The following IL1RAPL1 variants were observed in gnomAD, a reference collection of about 807,000 sequenced individuals.
IL1RAPL1 encodes the protein interleukin 1 receptor accessory protein like 1.
In IL1RAPL1, 3 loss-of-function variants were observed where a neutral mutation model predicts 48.4. The ratio of observed to expected loss-of-function variants is 0.06; its 90% confidence interval spans 0.03 to 0.16. The LOEUF (loss-of-function observed/expected upper bound fraction) is 0.16, where lower values mean the gene tolerates loss of function less well. Ranked by LOEUF, IL1RAPL1 falls within the 10% of genes least tolerant of loss-of-function variation. IL1RAPL1 has a pLI of 1.00. For missense variants in IL1RAPL1, 349 were observed against 530.6 expected (o/e 0.66, Z 3.36); for synonymous variants, 185 against 187.7 (o/e 0.99, Z 0.12).
chrX:29,732,992 C>T (rs907642466), intron 6 of IL1RAPL1, among the ~76,000 whole-genome samples: 13 of 110,526 alleles, frequency 1.2e-4, no homozygotes, highest in African/African-American at 4.3e-4. Context: ...TTTTATGGAA[C>T]CTCTTTCTGG....
chrX:29,335,484 G>T (rs1035040887), intron 3 of IL1RAPL1, among the ~76,000 whole-genome samples: 1 of 109,785 alleles, frequency 9.1e-6, no homozygotes, highest in African/African-American at 3.3e-5. Context: ...TGAATTAAAT[G>T]AAACAACTCT....
chrX:29,601,784 C>G (rs995357432), intron 5 of IL1RAPL1, among the ~76,000 whole-genome samples: 3 of 111,939 alleles, frequency 2.7e-5, no homozygotes, highest in African/African-American at 9.7e-5. Flanking sequence ...AAGGGCAACA[C>G]AACATATAGA....
At chrX:28,927,468 C>T (rs1923775580) in intron 2 of IL1RAPL1, among the ~76,000 whole-genome samples, 1 of 111,641 alleles carries the variant, frequency 9.0e-6, no homozygotes. Flanking sequence ...TGTTTTTCTA[C>T]TCTCCTTGCT....
chrX:29,813,260 C>G (rs957449033), intron 6 of IL1RAPL1, among the ~76,000 whole-genome samples: 5 of 111,496 alleles, frequency 4.5e-5, no homozygotes, highest in Non-Finnish European at 9.4e-5. Context: ...ACAACACTAT[C>G]TTTTACTCTA....
intron 2 of IL1RAPL1, among the ~76,000 whole-genome samples, chrX:29,179,028 G>A (rs1282710090): frequency 1.7e-4 from 19 of 111,810 alleles, no homozygotes; most frequent in Admixed American, 1.5e-3. Flanking sequence ...GTCAGGTAGT[G>A]TGATGCCTCC....
intron 2 of IL1RAPL1, among the ~76,000 whole-genome samples, chrX:29,142,718 A>C (rs1929268876): frequency 9.2e-6 from 1 of 108,738 alleles, no homozygotes; most frequent in Non-Finnish European, 1.9e-5. Flanking sequence ...TTTTGGAGAC[A>C]CAGTCTTGCT....
intron 3 of IL1RAPL1, among the ~76,000 whole-genome samples, chrX:29,337,044 C>T (rs185606365): frequency 1.6e-4 from 18 of 110,497 alleles, no homozygotes; most frequent in Admixed American, 8.7e-4. Flanking sequence ...CTTCTAAGGT[C>T]CCCCCAGTCT....
At chrX:29,114,899 ATT>A (rs2147472911) in intron 2 of IL1RAPL1, among the ~76,000 whole-genome samples, 1 of 111,744 alleles carries the variant, frequency 8.9e-6, no homozygotes, top group Admixed American at 9.6e-5. Flanking sequence ...AAGTGCTGGG[ATT>A]AGAAGCATGA....
chrX:29,906,633 TCCTCTTCTCCAG>T (rs1356407270), intron 6 of IL1RAPL1, among the ~76,000 whole-genome samples: 1 of 103,928 alleles, frequency 9.6e-6, no homozygotes, highest in Non-Finnish European at 2.0e-5. Context: ...TCTTTCTCTT[TCCTCTTCTCCAG>T]CCTCCCTGTC....
intron 2 of IL1RAPL1, among the ~76,000 whole-genome samples, chrX:28,792,816 A>AAAAT (rs1936562170): frequency 5.9e-4 from 6 of 10,109 alleles, no homozygotes; most frequent in Admixed American, 2.0e-3. Context: ...AAAAAAAAAA[A>AAAAT]ATATATATAT....
intron 6 of IL1RAPL1, among the ~76,000 whole-genome samples, chrX:29,731,707 T>A (rs965166544): frequency 7.1e-5 from 8 of 112,305 alleles, no homozygotes; most frequent in Non-Finnish European, 1.5e-4. Context: ...AACTAGGATT[T>A]CAACCCCCAG....
At chrX:29,857,914 C>CTCCA (rs1931504819) in intron 6 of IL1RAPL1, among the ~76,000 whole-genome samples, 1 of 111,806 alleles carries the variant, frequency 8.9e-6, no homozygotes, top group African/African-American at 3.2e-5. Flanking sequence ...GGCTTTGACT[C>CTCCA]TCCATCTCTG....
intron 2 of IL1RAPL1, among the ~76,000 whole-genome samples, chrX:28,961,515 A>T (rs998867414): frequency 4.5e-5 from 5 of 110,654 alleles, no homozygotes; most frequent in Non-Finnish European, 9.5e-5. Context: ...CCACCACCTG[A>T]CAGGCCCCGG....
chrX:28,871,257 T>A (rs1922200807), intron 2 of IL1RAPL1, among the ~76,000 whole-genome samples: 1 of 111,908 alleles, frequency 8.9e-6, no homozygotes, highest in South Asian at 3.7e-4. Flanking sequence ...AAATTATTTT[T>A]AAAATAATTC....
At chrX:29,590,392 T>C (rs981715363) in intron 5 of IL1RAPL1, among the ~76,000 whole-genome samples, 5 of 111,480 alleles carry the variant, frequency 4.5e-5, no homozygotes, top group Non-Finnish European at 7.5e-5. Context: ...ACTTTAGAAA[T>C]GTACAAAAGG....
chrX:29,046,914 G>A (rs1309099881), intron 2 of IL1RAPL1, among the ~76,000 whole-genome samples: 1 of 111,615 alleles, frequency 9.0e-6, no homozygotes, highest in Non-Finnish European at 1.9e-5. Flanking sequence ...AAGATAAAGG[G>A]GGAAGAAACT....
intron 1 of IL1RAPL1, among the ~76,000 whole-genome samples, chrX:28,728,280 A>G (rs1334725499): frequency 1.8e-5 from 2 of 111,580 alleles, no homozygotes; most frequent in Non-Finnish European, 3.8e-5. Flanking sequence ...TAGCAGAAAG[A>G]TTACGTTTTC....
At position 29,557,934 on chromosome X, in the gene IL1RAPL1, T is replaced by C. The variant is rs184209911; in HGVS notation, c.704-110496T>C. 9.0e-5 allele frequency among the ~76,000 whole-genome samples: 10 copies of C among 111,632 alleles called. No individual in the cohort carries two copies. The East Asian group carries it at 2.8e-3, about 31-fold the overall frequency. On this transcript the variant is annotated intron_variant, in intron 5 of 10. Transcript: ENST00000378993. ...ATATATCATTTTCTTTACGCATTTA[T>C]CTGTGAATGACACTTCTATTGTTTA... is the stretch of plus-strand genomic sequence containing the variant.
intron 1 of IL1RAPL1, among the ~76,000 whole-genome samples, chrX:28,777,124 A>G (rs190238545): frequency 9.0e-6 from 1 of 111,643 alleles, no homozygotes; most frequent in Non-Finnish European, 1.9e-5. Context: ...TGGCAGGGCT[A>G]GGTCTTCTAG....
Sources: gnomAD v4.1 joint callset for allele counts (sites outside exome capture counted in the v4.1 genomes callset) on GRCh38, gnomAD v4.1.1 for gene constraint, MANE v1.5 for transcripts, NCBI Gene and HGNC (gene_info 2026-07-23, HGNC 2026-07-21) for gene names.